PGAP4: variants seen among roughly 807,000 people sequenced by gnomAD.
PGAP4 encodes GPI-N-acetylgalactosamine transferase PGAP4.
A neutral mutation model predicts 28.2 loss-of-function variants in PGAP4; 12 were observed. The observed-to-expected ratio is 0.42, with a 90% CI of 0.27 to 0.69. The LOEUF (loss-of-function observed/expected upper bound fraction) is 0.69. PGAP4 is among the 30% of genes least tolerant of loss of function. The probability of loss-of-function intolerance (pLI) is 0.22; values close to 1 mark genes in which losing one functional copy is unlikely to be tolerated. For missense variants in PGAP4, 425 were observed against 513.5 expected (o/e 0.83, Z 1.67); for synonymous variants, 205 against 211.8 (o/e 0.97, Z 0.28).
At position 101,475,514 on chromosome 9, in the gene PGAP4, T is replaced by C. The variant is rs1225084241; in HGVS notation, c.*367A>G. ...CTTTCACAAAATTCTACCCTTAAGATCCTAAAACAGTCATATCACTGTGCA... is the reference window on the plus strand; with the variant it reads ...CTTTCACAAAATTCTACCCTTAAGACCCTAAAACAGTCATATCACTGTGCA... On this transcript the variant is annotated 3_prime_UTR_variant, in exon 2 of 2. Coordinates refer to ENST00000374848, the MANE Select transcript of PGAP4 (RefSeq NM_032342.3). 1 of 230,392 alleles carries C rather than the reference T, an allele frequency of 4.3e-6. No homozygotes were observed. The highest frequency in any genetic ancestry group is 2.2e-5 in the African/African-American group (1 of 44,524). 14.3% of individuals were successfully genotyped at this position (230,392 alleles called of 1,614,324 possible).
chr9:101,481,022 C>A (rs1257728969), intron 1 of PGAP4, among the ~76,000 whole-genome samples: 1 of 151,956 alleles, frequency 6.6e-6, no homozygotes, highest in Non-Finnish European at 1.5e-5. Flanking sequence ...ACAAAAGATA[C>A]AAAAATTAGC....
chr9:101,511,142 T>C (rs1826895076), intron 2 of PGAP4, among the ~76,000 whole-genome samples: 1 of 152,194 alleles, frequency 6.6e-6, no homozygotes, highest in Non-Finnish European at 1.5e-5. Flanking sequence ...ATAGGGTTCT[T>C]ATTCCTATGA....
chr9:101,508,239 C>A (rs1588207775), intron 2 of PGAP4, among the ~76,000 whole-genome samples: 1 of 151,696 alleles, frequency 6.6e-6, no homozygotes, highest in South Asian at 2.1e-4. Flanking sequence ...GCAAACTTCC[C>A]TACTTGAAGT....
At chr9:101,522,311 T>C (rs1282847940) in intron 2 of PGAP4, among the ~76,000 whole-genome samples, 1 of 152,130 alleles carries the variant, frequency 6.6e-6, no homozygotes, top group Non-Finnish European at 1.5e-5. Context: ...GTCAGTGGAG[T>C]ATTGAAGTCC....
intron 2 of PGAP4, among the ~76,000 whole-genome samples, chr9:101,503,865 CT>C (rs1826824614): frequency 6.6e-6 from 1 of 151,998 alleles, no homozygotes; most frequent in Non-Finnish European, 1.5e-5. Flanking sequence ...TTCTGTTCTG[CT>C]TTTAAAAAAT....
chr9:101,523,631 T>A (rs1189717484), intron 2 of PGAP4, among the ~76,000 whole-genome samples: 82 of 96,230 alleles, frequency 8.5e-4, no homozygotes, highest in African/African-American at 2.8e-3. Context: ...TTTTTTTTTT[T>A]TTTTTTTTTT....
intron 1 of PGAP4, among the ~76,000 whole-genome samples, chr9:101,483,119 C>CT (rs1397730269): frequency 6.6e-6 from 1 of 152,094 alleles, no homozygotes; most frequent in African/African-American, 2.4e-5. Flanking sequence ...CTCTTGAATC[C>CT]TTTTTTAGTA....
At chr9:101,530,486 A>C (rs940546064) in intron 2 of PGAP4, among the ~76,000 whole-genome samples, 2 of 152,280 alleles carry the variant, frequency 1.3e-5, no homozygotes, top group African/African-American at 4.8e-5. Context: ...AGACTTTAAA[A>C]GTGAAATAAA....
chr9:101,484,890 T>C (rs940113170), intron 1 of PGAP4, among the ~76,000 whole-genome samples: 4 of 152,122 alleles, frequency 2.6e-5, no homozygotes, highest in African/African-American at 9.7e-5. Flanking sequence ...ATGTGGAGTA[T>C]AATTTAGTGA....
At chr9:101,492,478 C>T (rs75526699) in intron 2 of PGAP4, among the ~76,000 whole-genome samples, 3,456 of 152,264 alleles carry the variant, frequency 0.023, 130 homozygotes, top group African/African-American at 0.078. Flanking sequence ...CTGATACTAA[C>T]ATAGCATCTC....
At chr9:101,515,796 T>C (rs1265237217) in intron 2 of PGAP4, among the ~76,000 whole-genome samples, 1 of 152,176 alleles carries the variant, frequency 6.6e-6, no homozygotes, top group East Asian at 1.9e-4. Flanking sequence ...TATGATATTT[T>C]CATATCTTTG....
upstream of PGAP4, among the ~76,000 whole-genome samples, chr9:101,491,437 T>C (rs147466942): frequency 3.1e-4 from 47 of 152,218 alleles, no homozygotes; most frequent in African/African-American, 1.1e-3. Flanking sequence ...CAGCACATTA[T>C]TGAAATTGAT....
At chr9:101,524,963 A>T (rs1827022206) in intron 2 of PGAP4, among the ~76,000 whole-genome samples, 1 of 152,190 alleles carries the variant, frequency 6.6e-6, no homozygotes, top group African/African-American at 2.4e-5. Flanking sequence ...CCGGAGCGGC[A>T]ATCTAGTCCT....
intron 2 of PGAP4, among the ~76,000 whole-genome samples, chr9:101,495,618 C>G (rs1826740046): frequency 6.7e-6 from 1 of 148,840 alleles, no homozygotes; most frequent in African/African-American, 2.5e-5. Context: ...AATTACAGGT[C>G]ATGGCTAAAT....
Position 101,508,634 on chromosome 9 carries a change from G to A in PGAP4, c.-164-19434C>T, listed in dbSNP as rs75137300. ...CTCAACCTTTTTGGTGACTGGCTTC[G>A]TAGAAGACAGTTTCTCCACAGACAG... On this transcript the variant is annotated intron_variant, in intron 2 of 3. Transcript: ENST00000374851. Among the ~76,000 whole-genome samples, 153 of 152,240 alleles carry A rather than the reference G, an allele frequency of 1.0e-3. 4 individuals are homozygous for A. The East Asian group carries it at 0.028, about 28-fold the overall frequency.
chr9:101,510,584 T>C (rs1826888537), intron 2 of PGAP4, among the ~76,000 whole-genome samples: 1 of 152,182 alleles, frequency 6.6e-6, no homozygotes, highest in East Asian at 1.9e-4. Context: ...TATTTTCTTT[T>C]AAATGGAGCT....
At chr9:101,518,331 T>C (rs1055085382) in intron 2 of PGAP4, among the ~76,000 whole-genome samples, 2 of 148,184 alleles carry the variant, frequency 1.3e-5, no homozygotes, top group African/African-American at 5.3e-5. Context: ...TTTGGTTACA[T>C]GAGTAAGTTC....
At chr9:101,494,151 G>A (rs1588204173) in intron 2 of PGAP4, among the ~76,000 whole-genome samples, 1 of 151,902 alleles carries the variant, frequency 6.6e-6, no homozygotes, top group African/African-American at 2.4e-5. Flanking sequence ...CTCATTTTAA[G>A]GCTGAGAATT....
At position 101,486,235 on chromosome 9, in the gene PGAP4, G is replaced by A. The variant is rs959445783; in HGVS notation, c.-78+714C>T. Among the ~76,000 whole-genome samples, 1 of 152,186 alleles carries A rather than the reference G, an allele frequency of 6.6e-6. No individual in the cohort carries two copies. Among genetic ancestry groups the A allele is most frequent in the Non-Finnish European group, 1.5e-5 (1 of 68,026 alleles). On this transcript the variant is annotated intron_variant, in intron 1 of 1. Coordinates refer to ENST00000374848, the MANE Select transcript of PGAP4 (RefSeq NM_032342.3). The surrounding 1 kb of genome is among the most constrained non-coding windows in gnomAD (Gnocchi z 4.7). ...ATGGGGGACGATGTCCAGGGCCCTG[G>A]ATCTAGTGTCTGTCGCTGACCTTGG...
Sources: allele counts gnomAD v4.1 joint callset (sites outside exome capture counted in the v4.1 genomes callset), GRCh38; gene constraint gnomAD v4.1.1; non-coding constraint Gnocchi (gnomAD v3.1); transcripts MANE v1.5; gene names NCBI Gene and HGNC (gene_info 2026-07-23, HGNC 2026-07-21).